The following DGKE variants were observed in gnomAD, a reference collection of about 807,000 sequenced individuals.
DGKE encodes the protein DAG kinase epsilon.
A neutral mutation model predicts 70.0 loss-of-function variants in DGKE; 53 were observed. The ratio of observed to expected loss-of-function variants is 0.76; its 90% CI spans 0.61 to 0.95. The LOEUF (loss-of-function observed/expected upper bound fraction) is 0.95. Among genes scored for constraint, DGKE ranks in the 40% least tolerant of loss-of-function variants. The pLI is 0.00. For synonymous variants in DGKE, 291 were observed against 257.0 expected, an observed-to-expected ratio of 1.13 and a Z score of -1.27; for missense variants, 655 against 706.9, an observed-to-expected ratio of 0.93 and a Z score of 0.83.
rs1315825494 is a variant in DGKE at position 56,862,996 on chromosome 17, T to C, written c.*205T>C. ...GTTTGTTCTTTTTTCAGCAAAATAC[T>C]TCAAATGAATAGTATTAACTTACAA... On this transcript the variant is annotated 3_prime_UTR_variant, in exon 12 of 12. Transcript: ENST00000284061. 5 of 426,376 alleles carry C rather than the reference T, an allele frequency of 1.2e-5. No individual in the cohort carries two copies. The Admixed American group carries it at 1.3e-4, about 11-fold the overall frequency. The allele number at this position is 426,376 out of a possible 1,614,324, so 26.4% of individuals were successfully genotyped here.
intron 9 of DGKE, among the ~76,000 whole-genome samples, chr17:56,859,197 C>T (rs984622517): frequency 2.7e-5 from 4 of 149,000 alleles, no homozygotes; most frequent in Admixed American, 1.3e-4. Context: ...TGGTGGCGGG[C>T]GCCTGTAGTC....
intron 9 of DGKE, among the ~76,000 whole-genome samples, chr17:56,859,186 G>A (rs1292713694): frequency 6.6e-5 from 10 of 150,736 alleles, no homozygotes; most frequent in African/African-American, 1.2e-4. Context: ...TTAGCCAGGC[G>A]TGGTGGCGGG....
rs1428563626 is a variant in DGKE at position 56,844,050 on chromosome 17, G to A, written c.496G>A (p.Glu166Lys). The stretch of plus-strand genomic sequence containing the variant: ...TTGGTGCCAGAAAACAGTACATGAT[G>A]AGTGCATGAAAAATAGTTTAAAGAA... The part of the protein sequence containing the change: ...CIWCQKTVHD[E>K]CMKNSLKNEK... Residue 166 changes from glutamate (E) to lysine (K), a missense_variant, in exon 3 of 12, where the codon GAG (glutamate) becomes AAG (lysine). Coordinates refer to ENST00000284061, the MANE Select transcript of DGKE (RefSeq NM_003647.3). 1 of 1,568,584 alleles carries A rather than the reference G, an allele frequency of 6.4e-7. No individual in the cohort carries two copies. Among genetic ancestry groups the A allele is most frequent in the Non-Finnish European group, 8.6e-7 (1 of 1,164,230 alleles).
chr17:56,835,992 C>CA (rs2144187523), intron 2 of DGKE: 1 of 152,316 alleles, frequency 6.6e-6, no homozygotes, highest in African/African-American at 2.4e-5. Flanking sequence ...TATTCTAACT[C>CA]AGTTCACAGT....
intron 9 of DGKE, among the ~76,000 whole-genome samples, chr17:56,859,405 C>T (rs1908150813): frequency 6.6e-6 from 1 of 151,862 alleles, no homozygotes; most frequent in African/African-American, 2.4e-5. Context: ...AACAGCATCT[C>T]TGACATCATG....
At chr17:56,858,468 C>A in intron 8 of DGKE, 126 bp from the exon 9 acceptor site, 2 of 705,714 alleles carry the variant, frequency 2.8e-6, no homozygotes, top group Non-Finnish European at 4.3e-6. Flanking sequence ...TCATCAGCAT[C>A]TAGTCTACCA....
chr17:56,848,208 A>C (rs1452453324), intron 5 of DGKE, 143 bp downstream of exon 5: 2 of 464,938 alleles, frequency 4.3e-6, no homozygotes, highest in Non-Finnish European at 6.2e-6. Context: ...CCCAGGCTGG[A>C]GTGCAGCGGC....
chr17:56,834,827 C>A lies in DGKE; in HGVS notation c.32C>A (p.Ser11Ter), dbSNP rs148605410. Residue 11 changes from serine to a stop codon, truncating the protein, a stop_gained, in exon 2 of 12, where the codon TCG (serine) becomes TAG (stop). Coordinates refer to ENST00000284061, the MANE Select transcript of DGKE (RefSeq NM_003647.3). LOFTEE classifies it high-confidence loss of function. ...GCGGAGAGGCGGCCGGCGCCGGGCT[C>A]GCCCTCCGAGGGCCTGTTTGCGGAC... MEAERRPAPG[S>*]PSEGLFADGH... 3.7e-6 allele frequency: 6 copies of A among 1,607,468 alleles called. No individual in the cohort carries two copies. The highest frequency in any genetic ancestry group is 1.3e-5 in the African/African-American group (1 of 74,946).
At chr17:56,854,680 CA>C (rs796077920) in intron 7 of DGKE, among the ~76,000 whole-genome samples, 25 of 146,870 alleles carry the variant, frequency 1.7e-4, no homozygotes, top group African/African-American at 1.8e-4. Context: ...GATGGATATG[CA>C]AAAAAAAATG....
intron 7 of DGKE, among the ~76,000 whole-genome samples, chr17:56,849,720 T>C (rs1907534838): frequency 6.6e-6 from 1 of 152,146 alleles, no homozygotes; most frequent in African/African-American, 2.4e-5. Flanking sequence ...AGAGAGAAAA[T>C]ACATATTACT....
At position 56,866,155 on chromosome 17, in the gene DGKE, T is replaced by TAA. The variant is rs751897928; in HGVS notation, c.*3364_*3365insAA. 6.6e-6 allele frequency: 1 copy of TAA among 152,246 alleles called. No individual in the cohort carries two copies. Among genetic ancestry groups the TAA allele is most frequent in the Non-Finnish European group, 1.5e-5 (1 of 68,030 alleles). The allele number at this position is 152,246 out of a possible 1,614,324, so 9.4% of individuals were successfully genotyped here. ...ACAGAAAAGGTGGTTTGGGTTTTGC[T>TAA]TTTAAACAGTGTCCCCCTGTCTTTT... On this transcript the variant is annotated 3_prime_UTR_variant, in exon 12 of 12. Coordinates refer to ENST00000284061, the MANE Select transcript of DGKE (RefSeq NM_003647.3).
chr17:56,835,076 T>G lies in DGKE; in HGVS notation c.281T>G (p.Val94Gly). 6.2e-7 allele frequency: 1 copy of G among 1,613,486 alleles called. No homozygotes were observed. The highest frequency in any genetic ancestry group is 1.3e-5 in the African/African-American group (1 of 75,062). The change falls in exon 2 of 12, where the codon GTG becomes GGG. Residue 94 changes from valine (V) to glycine (G), a missense_variant. By Grantham distance (109) the Val-to-Gly change is moderately radical. Coordinates refer to ENST00000284061, the MANE Select transcript of DGKE (RefSeq NM_003647.3). ...GAFCDCCGLR[V>G]DEGCLRKADK... is the part of the protein sequence containing the mutation. ...TTCTGCGACTGCTGCGGGCTCCGCG[T>G]GGACGAGGGCTGCCTCAGGAAGGCC...
intron 2 of DGKE, among the ~76,000 whole-genome samples, chr17:56,837,906 T>C (rs1401305607): frequency 1.3e-5 from 2 of 152,230 alleles, no homozygotes; most frequent in African/African-American, 4.8e-5. Context: ...CTATTTTTGT[T>C]CTAGACACTG....
intron 4 of DGKE, among the ~76,000 whole-genome samples, chr17:56,846,955 T>C: frequency 6.6e-6 from 1 of 152,336 alleles, no homozygotes; most frequent in East Asian, 1.9e-4. Flanking sequence ...ATAGTCCTCA[T>C]AGTTACATAT....
Position 56,867,984 on chromosome 17 carries a change from G to T in DGKE, c.*5193G>T, listed in dbSNP as rs1229450755. ...ACCAAGAACACTTCAGTCTCTCTAAGGATGCCCTGAGCTACCTCACTGTTA... is the reference window on the plus strand; with the variant it reads ...ACCAAGAACACTTCAGTCTCTCTAATGATGCCCTGAGCTACCTCACTGTTA... On this transcript the variant is annotated 3_prime_UTR_variant, in exon 12 of 12. Transcript: ENST00000284061. The T allele has an allele frequency of 6.6e-6, 1 of 152,002 alleles. No individual in the cohort carries two copies. The highest frequency in any genetic ancestry group is 1.5e-5 in the Non-Finnish European group (1 of 68,058). The allele number at this position is 152,002 out of a possible 1,614,324, so 9.4% of individuals were successfully genotyped here.
intron 7 of DGKE, among the ~76,000 whole-genome samples, chr17:56,855,236 C>T (rs1907875686): frequency 6.6e-6 from 1 of 150,676 alleles, no homozygotes; most frequent in African/African-American, 2.4e-5. Context: ...TATATTTTGG[C>T]AGTGAAGGGA....
chr17:56,861,992 A>G, intron 10 of DGKE, 74 bp downstream of exon 10: 7 of 1,541,648 alleles, frequency 4.5e-6, no homozygotes, highest in Non-Finnish European at 6.1e-6. Context: ...AGACTTTAAC[A>G]TTTTTCCTCA....
chr17:56,858,794 C>A, intron 9 of DGKE, 129 bp downstream of exon 9: 1 of 627,284 alleles, frequency 1.6e-6, no homozygotes, highest in Non-Finnish European at 2.6e-6. Context: ...ATTTGTGTGC[C>A]AGGCACTTTG....
intron 1 of DGKE, 65 bp from the exon 2 acceptor site, chr17:56,834,713 G>A (rs1439597401): frequency 1.4e-6 from 2 of 1,456,122 alleles, no homozygotes; most frequent in African/African-American, 2.8e-5. Context: ...GCCCCGGAAA[G>A]GCAGGAAGGG....
Sources: allele counts gnomAD v4.1 joint callset (sites outside exome capture counted in the v4.1 genomes callset), GRCh38; gene constraint gnomAD v4.1.1; transcripts MANE v1.5; gene names NCBI Gene and HGNC (gene_info 2026-07-23, HGNC 2026-07-21).